GBP6: variants seen among roughly 807,000 people sequenced by gnomAD.
The protein encoded by GBP6 is guanylate-binding protein 6.
Under a neutral mutation model 61.5 loss-of-function variants are expected in GBP6, and 54 were observed. The ratio of observed to expected loss-of-function variants is 0.88; its 90% CI spans 0.71 to 1.10. The LOEUF (loss-of-function observed/expected upper bound fraction) is 1.10. GBP6 is among the 50% of genes least tolerant of loss of function. GBP6 has a pLI of 0.00. For synonymous variants in GBP6, 255 were observed against 273.7 expected (o/e 0.93, Z 0.67); for missense variants, 748 against 752.8 (o/e 0.99, Z 0.07).
intron 3 of GBP6, among the ~76,000 whole-genome samples, chr1:89,375,604 T>TA (rs1168280017): frequency 3.5e-5 from 1 of 28,974 alleles, no homozygotes; most frequent in African/African-American, 9.2e-5. Context: ...GGTATAAGGA[T>TA]TTTTTTTTGC....
chr1:89,381,878 G>T lies in GBP6; in HGVS notation c.1056G>T (p.Leu352=). The part of the protein sequence containing the change: ...VKLPTDTLQE[L]LDMHAACERE... ...TCCCCACAGACACGCTCCAGGAGCT[G>T]CTGGACATGCATGCGGCCTGTGAGA... The change falls in exon 7 of 11, where the codon CTG becomes CTT. Residue 352 remains leucine (L), a synonymous_variant. Transcript: ENST00000370456. 3 of 1,614,120 alleles carry T rather than the reference G, an allele frequency of 1.9e-6. No homozygotes were observed. The highest frequency in any genetic ancestry group is 1.7e-6 in the Non-Finnish European group (2 of 1,179,980).
intron 1 of GBP6, among the ~76,000 whole-genome samples, chr1:89,365,198 C>A (rs770638037): frequency 6.6e-6 from 1 of 152,160 alleles, no homozygotes; most frequent in Non-Finnish European, 1.5e-5. Flanking sequence ...AGTGTGAAAA[C>A]CAGTCCTGAA....
chr1:89,369,468 A>T (rs1158177023), intron 2 of GBP6, 78 bp from the exon 3 acceptor site: 1 of 1,514,576 alleles, frequency 6.6e-7, no homozygotes, highest in African/African-American at 1.4e-5. Context: ...TTACAATCCA[A>T]CCAGTCTGAT....
chr1:89,369,897 A>G (rs1402941149), intron 3 of GBP6, among the ~76,000 whole-genome samples: 2 of 152,248 alleles, frequency 1.3e-5, no homozygotes, highest in Non-Finnish European at 1.5e-5. Context: ...TCAATTTGAT[A>G]AAAGGTTGTT....
At chr1:89,375,822 T>C (rs1297121169) in intron 3 of GBP6, among the ~76,000 whole-genome samples, 1 of 152,186 alleles carries the variant, frequency 6.6e-6, no homozygotes, top group Non-Finnish European at 1.5e-5. Context: ...TCCAAAAACA[T>C]CATTGCCCAA....
chr1:89,372,799 C>A (rs7413887), intron 3 of GBP6, among the ~76,000 whole-genome samples: 29,684 of 151,996 alleles, frequency 0.2, 3,200 homozygotes, highest in South Asian at 0.28. Flanking sequence ...GCAACAAAAG[C>A]CAAAATTGAC....
rs551470361 is a variant in GBP6 at position 89,368,906 on chromosome 1, T to C, written c.190+165T>C. On this transcript the variant is annotated intron_variant, in intron 2 of 10. Transcript: ENST00000370456. ...AAACCACTACCTTACGATAATCCAT[T>C]CTCATATTTTTTCCCTCATTCCCAT... Among the ~76,000 whole-genome samples, 25 of 152,226 alleles carry C rather than the reference T, an allele frequency of 1.6e-4. No homozygotes were observed. In the South Asian group the frequency reaches 5.0e-3, roughly 30 times the overall value.
chr1:89,370,002 G>A (rs2100659065), intron 3 of GBP6, among the ~76,000 whole-genome samples: 1 of 152,346 alleles, frequency 6.6e-6, no homozygotes, highest in East Asian at 1.9e-4. Flanking sequence ...GATGTAGTGT[G>A]ACTGGGAAAG....
chr1:89,365,779 T>C (rs1444033628), intron 1 of GBP6, among the ~76,000 whole-genome samples: 1 of 152,338 alleles, frequency 6.6e-6, no homozygotes, highest in East Asian at 1.9e-4. Flanking sequence ...CACAGACCCC[T>C]ATAATTAACA....
intron 2 of GBP6, 138 bp downstream of exon 2, chr1:89,368,879 C>A (rs778916084): frequency 3.9e-4 from 267 of 688,788 alleles, no homozygotes; most frequent in Non-Finnish European, 5.1e-4. Flanking sequence ...ATTCTTACCA[C>A]CAAACCACTA....
intron 3 of GBP6, among the ~76,000 whole-genome samples, chr1:89,373,697 G>A (rs1652714243): frequency 2.6e-5 from 4 of 152,086 alleles, no homozygotes. Context: ...GATAGCATTA[G>A]GAGATATACC....
intron 2 of GBP6, 112 bp downstream of exon 2, chr1:89,368,853 C>G: frequency 1.1e-6 from 1 of 876,782 alleles, no homozygotes; most frequent in Non-Finnish European, 1.7e-6. Flanking sequence ...TTCAATAAAC[C>G]AACCTTCTCA....
rs1474842325 is a variant in GBP6, at chr1:89,387,642, AGGCT to A, written c.*2174_*2177del. On this transcript the variant is annotated 3_prime_UTR_variant, in exon 11 of 11. Transcript: ENST00000370456. ...GATTAAGGTCTCTGAGGTGGTTTAA[AGGCT>A]ATGAGGCCAGGTGCAGTGGCTCACG... 6.6e-5 allele frequency among the ~76,000 whole-genome samples: 10 copies of A among 152,194 alleles called. No individual in the cohort carries two copies. Among genetic ancestry groups the A allele is most frequent in the Non-Finnish European group, 1.0e-4 (7 of 68,020 alleles).
Position 89,385,997 on chromosome 1 carries a change from T to C in GBP6, c.*528T>C, listed in dbSNP as rs979059368. ...TACAAGAGGTCCACTGAGGCATTGC[T>C]TTTAATGGCAAAATATTGCAATGTA... On this transcript the variant is annotated 3_prime_UTR_variant, in exon 11 of 11. Coordinates refer to ENST00000370456, the MANE Select transcript of GBP6 (RefSeq NM_198460.3). The C allele has an allele frequency of 2.6e-5, 4 of 152,538 alleles. No individual in the cohort carries two copies. The highest frequency in any genetic ancestry group is 9.6e-5 in the African/African-American group (4 of 41,458). The allele number at this position is 152,538 out of a possible 1,614,324, so 9.4% of individuals were successfully genotyped here. A position where few individuals can be genotyped will look rare whatever the true frequency, so the allele number is the denominator to read the frequency against.
At chr1:89,366,375 C>G (rs1240996357) in intron 1 of GBP6, among the ~76,000 whole-genome samples, 2 of 152,164 alleles carry the variant, frequency 1.3e-5, no homozygotes, top group Non-Finnish European at 2.9e-5. Flanking sequence ...CTCCTGCTTC[C>G]CTTTTGGAAA....
chr1:89,379,613 A>G (rs575939034), intron 5 of GBP6, among the ~76,000 whole-genome samples: 3 of 152,344 alleles, frequency 2.0e-5, no homozygotes, highest in Admixed American at 6.5e-5. Context: ...AACCCAACAT[A>G]TGTATCCATG....
At chr1:89,367,160 G>T (rs1652487600) in intron 1 of GBP6, among the ~76,000 whole-genome samples, 1 of 152,046 alleles carries the variant, frequency 6.6e-6, no homozygotes, top group South Asian at 2.1e-4. Context: ...TAATTTTTTG[G>T]AGTGTATATG....
At chr1:89,364,405 A>G (rs559789469) in intron 1 of GBP6, among the ~76,000 whole-genome samples, 1 of 152,210 alleles carries the variant, frequency 6.6e-6, no homozygotes. Flanking sequence ...CTGCCTGGCT[A>G]TCTCTCTCAG....
chr1:89,374,536 A>G (rs1219608497), intron 3 of GBP6, among the ~76,000 whole-genome samples: 6 of 152,200 alleles, frequency 3.9e-5, no homozygotes, highest in Admixed American at 3.9e-4. Context: ...GCATGAATTT[A>G]CACTCCAAAA....
Sources: allele counts gnomAD v4.1 joint callset (sites outside exome capture counted in the v4.1 genomes callset), GRCh38; gene constraint gnomAD v4.1.1; transcripts MANE v1.5; gene names NCBI Gene and HGNC (gene_info 2026-07-23, HGNC 2026-07-21).